CACNA2D3: variants seen among roughly 807,000 people sequenced by gnomAD.
The protein encoded by CACNA2D3 is voltage-dependent calcium channel subunit alpha-2/delta-3.
A neutral mutation model predicts 160.6 loss-of-function variants in CACNA2D3; 60 were observed. That is an observed-to-expected ratio of 0.37 (90% CI 0.30 to 0.46). CACNA2D3 has a LOEUF of 0.46. Ranked by LOEUF, CACNA2D3 falls within the 20% of genes least tolerant of loss-of-function variation. CACNA2D3 has a pLI of 1.00. For synonymous variants in CACNA2D3, 558 were observed against 492.9 expected (o/e 1.13, Z -1.75); for missense variants, 1,205 against 1,365.0 (o/e 0.88, Z 1.85).
intron 9 of CACNA2D3, among the ~76,000 whole-genome samples, chr3:54,611,840 T>G (rs571340743): frequency 6.6e-6 from 1 of 152,364 alleles, no homozygotes; most frequent in African/African-American, 2.4e-5. Context: ...ATATTGGAGT[T>G]ATGTGGCATT....
intron 18 of CACNA2D3, among the ~76,000 whole-genome samples, chr3:54,873,398 G>GT (rs58036452): frequency 0.077 from 11,581 of 151,298 alleles, 812 homozygotes; most frequent in African/African-American, 0.18. Flanking sequence ...TATTTTTTTT[G>GT]TTGTTTGCTT....
chr3:54,788,537 G>C (rs1266461222), intron 13 of CACNA2D3, among the ~76,000 whole-genome samples: 1 of 152,158 alleles, frequency 6.6e-6, no homozygotes, highest in African/African-American at 2.4e-5. Flanking sequence ...GGAGTGGAAA[G>C]CCTGGGGATA....
At position 54,471,315 on chromosome 3, in the gene CACNA2D3, G is replaced by T. The variant is rs532057154; in HGVS notation, c.382-32177G>T. Among the ~76,000 whole-genome samples, 3 of 152,276 alleles carry T rather than the reference G, an allele frequency of 2.0e-5. No individual in the cohort carries two copies. The South Asian group carries it at 6.2e-4, about 32-fold the overall frequency. ...CCTGAATGACTACTGGGTAAATAAC[G>T]AAATCAAGGCAGAAATATATAAGTT... On this transcript the variant is annotated intron_variant, in intron 4 of 37. Transcript: ENST00000474759.
intron 3 of CACNA2D3, among the ~76,000 whole-genome samples, chr3:54,330,385 G>C (rs1575399005): frequency 6.6e-6 from 1 of 152,014 alleles, no homozygotes; most frequent in East Asian, 1.9e-4. Flanking sequence ...CCTCTGCAAA[G>C]CCCGTGATGG....
intron 5 of CACNA2D3, among the ~76,000 whole-genome samples, chr3:54,538,265 A>G (rs898537382): frequency 9.2e-5 from 14 of 152,178 alleles, no homozygotes; most frequent in Non-Finnish European, 2.9e-5. Context: ...GTGGACATTA[A>G]TCAAATACCA....
intron 11 of CACNA2D3, among the ~76,000 whole-genome samples, chr3:54,644,091 T>A (rs929501927): frequency 6.6e-6 from 1 of 152,128 alleles, no homozygotes; most frequent in African/African-American, 2.4e-5. Flanking sequence ...CCCAAGAATA[T>A]TGATATTTAA....
rs375252148 is a variant in CACNA2D3, at chr3:54,353,284, A to G, written c.321+32726A>G. Among the ~76,000 whole-genome samples, 7 of 152,264 alleles carry G rather than the reference A, an allele frequency of 4.6e-5. No individual in the cohort carries two copies. The South Asian group carries it at 1.5e-3, about 32-fold the overall frequency. On this transcript the variant is annotated intron_variant, in intron 3 of 37. Transcript: ENST00000474759. ...CTTTGTAGCTCTGAAAGAAATGCAG[A>G]GATGGAAACGTGAAATCCTTGGGAA...
intron 2 of CACNA2D3, among the ~76,000 whole-genome samples, chr3:54,192,880 T>A (rs1242286860): frequency 6.6e-6 from 1 of 152,102 alleles, no homozygotes; most frequent in African/African-American, 2.4e-5. Context: ...TCAGGGAGAA[T>A]CAGATCATGT....
intron 29 of CACNA2D3, among the ~76,000 whole-genome samples, chr3:54,978,411 T>C (rs1177642164): frequency 1.3e-5 from 2 of 152,210 alleles, no homozygotes; most frequent in African/African-American, 4.8e-5. Context: ...CTATTGGGTC[T>C]CTTGCATTCA....
Position 54,581,830 on chromosome 3 carries a change from C to G in CACNA2D3, c.916C>G (p.Pro306Ala), listed in dbSNP as rs372801654. 1.6e-5 allele frequency: 26 copies of G among 1,613,772 alleles called. No homozygotes were observed. Among genetic ancestry groups the G allele is most frequent in the Non-Finnish European group, 2.1e-5 (25 of 1,179,832 alleles). The change falls in exon 9 of 38, where the codon CCT (proline) becomes GCT (alanine). Residue 306 changes from proline to alanine, a missense_variant. Pro to Ala is a conservative substitution (Grantham distance 27, BLOSUM62 -1). This residue lies in a region of CACNA2D3 where 911 missense variants were observed against 1,002.2 expected (regional missense o/e 0.91). Transcript: ENST00000474759. ...AYNEELHYVE[P>A]CLNGTLVQAD... ...TAATGAGGAGCTTCACTATGTGGAA[C>G]CTTGCCTGAATGGAACTTTGGTGCA...
At chr3:54,818,898 C>A (rs368749721) in intron 14 of CACNA2D3, among the ~76,000 whole-genome samples, 1 of 152,186 alleles carries the variant, frequency 6.6e-6, no homozygotes, top group African/African-American at 2.4e-5. Context: ...GCGGGAAATT[C>A]AGCTCTTTGA....
rs564704010 is a variant in CACNA2D3 at position 54,926,603 on chromosome 3, T to C, written c.2449+26735T>C. Reference sequence around the variant, plus strand: ...AAATCCAGATAAATGTAATCATCAATATGTCTCATTCTGCAATTTGCTCTG... The same window carrying C: ...AAATCCAGATAAATGTAATCATCAACATGTCTCATTCTGCAATTTGCTCTG... On this transcript the variant is annotated intron_variant, in intron 27 of 37. Coordinates refer to ENST00000474759, the MANE Select transcript of CACNA2D3 (RefSeq NM_018398.3). Among the ~76,000 whole-genome samples the C allele has an allele frequency of 3.2e-3, 485 of 152,206 alleles. 2 individuals are homozygous for C. The highest frequency in any genetic ancestry group is 0.011 in the African/African-American group (459 of 41,534).
intron 11 of CACNA2D3, among the ~76,000 whole-genome samples, chr3:54,750,244 A>G (rs899464459): frequency 6.6e-6 from 1 of 152,204 alleles, no homozygotes; most frequent in Non-Finnish European, 1.5e-5. Context: ...CTTTTGCTCA[A>G]AAATATGGGT....
intron 13 of CACNA2D3, among the ~76,000 whole-genome samples, chr3:54,804,423 A>G (rs2106680203): frequency 6.6e-6 from 1 of 152,350 alleles, no homozygotes; most frequent in Admixed American, 6.5e-5. Context: ...CTGACAAAAC[A>G]GACTTTAAAC....
At position 54,984,478 on chromosome 3, in the gene CACNA2D3, C is replaced by T. The variant is rs1159061199; in HGVS notation, c.2557-130C>T. The T allele has an allele frequency of 1.6e-4, 107 of 653,844 alleles. No individual in the cohort carries two copies. In the South Asian group the frequency reaches 1.9e-3, roughly 12 times the overall value. The allele number at this position is 653,844 out of a possible 1,614,324, so 40.5% of individuals were successfully genotyped here. On this transcript the variant is annotated intron_variant, in intron 29 of 37. Coordinates refer to ENST00000474759, the MANE Select transcript of CACNA2D3 (RefSeq NM_018398.3). ...TAGAACCAGCAGGCTTTTGCAATTGCCTGAAAACAATTGCTTTCCAAAAAA... is the reference window on the plus strand; with the variant it reads ...TAGAACCAGCAGGCTTTTGCAATTGTCTGAAAACAATTGCTTTCCAAAAAA...
At chr3:54,793,944 A>G (rs961178271) in intron 13 of CACNA2D3, among the ~76,000 whole-genome samples, 2 of 151,952 alleles carry the variant, frequency 1.3e-5, no homozygotes, top group African/African-American at 4.8e-5. Flanking sequence ...CTTAATATCA[A>G]TTTTTCTCAT....
intron 13 of CACNA2D3, among the ~76,000 whole-genome samples, chr3:54,805,235 A>G (rs1474637595): frequency 1.3e-5 from 2 of 152,194 alleles, no homozygotes; most frequent in East Asian, 3.9e-4. Context: ...GACACAAAAA[A>G]CCCTTCAAAA....
At chr3:54,629,046 T>C (rs1486273911) in intron 10 of CACNA2D3, among the ~76,000 whole-genome samples, 1 of 152,100 alleles carries the variant, frequency 6.6e-6, no homozygotes, top group Non-Finnish European at 1.5e-5. Context: ...TTCCCCTTTG[T>C]ATGATCCTTG....
intron 5 of CACNA2D3, among the ~76,000 whole-genome samples, chr3:54,559,288 C>CTT (rs952241069): frequency 6.6e-6 from 1 of 151,868 alleles, no homozygotes; most frequent in African/African-American, 2.4e-5. Flanking sequence ...TTTTTTCCAA[C>CTT]TTTTATTTTA....
Sources: allele counts gnomAD v4.1 joint callset (sites outside exome capture counted in the v4.1 genomes callset), GRCh38; gene constraint gnomAD v4.1.1; regional missense constraint gnomAD v4.1.1; transcripts MANE v1.5; gene names NCBI Gene and HGNC (gene_info 2026-07-23, HGNC 2026-07-21).